Variants in FNBP1L observed in about 807,000 individuals in gnomAD.
FNBP1L encodes formin binding protein 1 like, also known as formin-binding protein 1-like.
In FNBP1L, 36 loss-of-function variants were observed where a neutral mutation model predicts 91.2. The ratio of observed to expected loss-of-function variants is 0.39; its 90% CI spans 0.30 to 0.52. FNBP1L has a LOEUF of 0.52. Among genes scored for constraint, FNBP1L ranks in the 20% least tolerant of loss-of-function variants. The pLI is 0.66. For synonymous variants in FNBP1L, 242 were observed against 237.0 expected (o/e 1.02, Z -0.19); for missense variants, 571 against 732.1 (o/e 0.78, Z 2.54).
At chr1:93,516,130 G>C (rs1236954417) in intron 2 of FNBP1L, among the ~76,000 whole-genome samples, 1 of 152,024 alleles carries the variant, frequency 6.6e-6, no homozygotes, top group African/African-American at 2.4e-5. Flanking sequence ...TAGCCTTTCA[G>C]TGTATCTGAT....
chr1:93,484,526 T>G (rs1669828211), intron 1 of FNBP1L, among the ~76,000 whole-genome samples: 1 of 152,176 alleles, frequency 6.6e-6, no homozygotes, highest in Non-Finnish European at 1.5e-5. Context: ...GTTCTGTTCT[T>G]GAATCCCCTG....
intron 1 of FNBP1L, among the ~76,000 whole-genome samples, chr1:93,466,977 C>T (rs576665866): frequency 5.9e-5 from 9 of 152,300 alleles, no homozygotes; most frequent in African/African-American, 2.2e-4. Flanking sequence ...CTGCCTCAGC[C>T]TCCAGAGTAG....
chr1:93,483,306 A>G (rs1669782627), intron 1 of FNBP1L, among the ~76,000 whole-genome samples: 1 of 152,092 alleles, frequency 6.6e-6, no homozygotes, highest in Admixed American at 6.5e-5. Context: ...AAAGGACAAA[A>G]TTTAATGTGC....
chr1:93,539,951 C>T (rs77070007), intron 10 of FNBP1L, among the ~76,000 whole-genome samples: 1 of 152,126 alleles, frequency 6.6e-6, no homozygotes, highest in East Asian at 1.9e-4. Flanking sequence ...AACACCTTCT[C>T]TTAAAACATG....
intron 16 of FNBP1L, chr1:93,551,873 A>G (rs1464939941): frequency 9.1e-6 from 9 of 985,288 alleles, no homozygotes; most frequent in Non-Finnish European, 9.6e-6. Flanking sequence ...CATCTTGAAA[A>G]TATCTTTTGG....
chr1:93,511,402 T>C (rs1670836582), intron 2 of FNBP1L, among the ~76,000 whole-genome samples: 1 of 152,096 alleles, frequency 6.6e-6, no homozygotes, highest in South Asian at 2.1e-4. Flanking sequence ...GACAAGCAAA[T>C]GCTGAGAGAT....
chr1:93,522,073 T>C lies in FNBP1L; in HGVS notation c.141-9T>C. The C allele has an allele frequency of 7.4e-6, 11 of 1,493,636 alleles. No individual in the cohort carries two copies. The highest frequency in any genetic ancestry group is 9.8e-6 in the Non-Finnish European group (11 of 1,120,380). The allele number at this position is 1,493,636 out of a possible 1,614,324, so 92.5% of individuals were successfully genotyped here. On this transcript the variant is annotated splice_polypyrimidine_tract_variant and intron_variant, in intron 2 of 16. Coordinates refer to ENST00000271234, the MANE Select transcript of FNBP1L (RefSeq NM_001164473.3). ...TTTTAATAAACTTTAAAAAATCTTC[T>C]TCCTATAGAAATCTGGTTAAGAAGT...
At chr1:93,527,691 C>T (rs1263156177) in intron 5 of FNBP1L, among the ~76,000 whole-genome samples, 1 of 151,966 alleles carries the variant, frequency 6.6e-6, no homozygotes, top group Non-Finnish European at 1.5e-5. Flanking sequence ...CCGTAAAGCC[C>T]GATCGGTGGA....
intron 1 of FNBP1L, among the ~76,000 whole-genome samples, chr1:93,451,254 T>A (rs2101679033): frequency 6.6e-6 from 1 of 152,338 alleles, no homozygotes; most frequent in African/African-American, 2.4e-5. Context: ...GCACAGATTT[T>A]GAAATTACTA....
chr1:93,501,591 C>T (rs1670440912), intron 2 of FNBP1L, among the ~76,000 whole-genome samples: 1 of 152,160 alleles, frequency 6.6e-6, no homozygotes, highest in Non-Finnish European at 1.5e-5. Flanking sequence ...ATGACCCAGA[C>T]ACCTCCCATT....
intron 2 of FNBP1L, 78 bp downstream of exon 2, chr1:93,499,661 C>A: frequency 1.2e-6 from 1 of 814,758 alleles, no homozygotes; most frequent in Non-Finnish European, 1.9e-6. Flanking sequence ...TGTGATAGTC[C>A]AGAGGTTAAA....
At chr1:93,458,808 A>T (rs1239456250) in intron 1 of FNBP1L, among the ~76,000 whole-genome samples, 1 of 152,206 alleles carries the variant, frequency 6.6e-6, no homozygotes, top group African/African-American at 2.4e-5. Flanking sequence ...TTTTATTACT[A>T]TTTATTGTTC....
intron 1 of FNBP1L, among the ~76,000 whole-genome samples, chr1:93,455,499 T>A (rs1668633016): frequency 6.6e-6 from 1 of 152,232 alleles, no homozygotes; most frequent in African/African-American, 2.4e-5. Context: ...CTATGCCACA[T>A]GCCATTTTAT....
chr1:93,459,357 T>C (rs1292035465), intron 1 of FNBP1L, among the ~76,000 whole-genome samples: 1 of 152,110 alleles, frequency 6.6e-6, no homozygotes, highest in African/African-American at 2.4e-5. Context: ...ACTCAAAATA[T>C]GTAAGGAACT....
Position 93,524,165 on chromosome 1 carries a change from G to A in FNBP1L, c.343-96G>A, listed in dbSNP as rs1031154618. 3.2e-6 allele frequency: 3 copies of A among 932,090 alleles called. No homozygotes were observed. In the African/African-American group the frequency reaches 5.2e-5, roughly 16 times the overall value. 57.7% of individuals were successfully genotyped at this position (932,090 alleles called of 1,614,324 possible). A position where few individuals can be genotyped will look rare whatever the true frequency, so the allele number is the denominator to read the frequency against. Reference sequence around the variant, plus strand: ...AAAAAATAAAGTGAAAAGCCTTTTGGGGACTTTAGACTTTAGTGTTTAAAT... The same window carrying A: ...AAAAAATAAAGTGAAAAGCCTTTTGAGGACTTTAGACTTTAGTGTTTAAAT... On this transcript the variant is annotated intron_variant, in intron 4 of 16. Coordinates refer to ENST00000271234, the MANE Select transcript of FNBP1L (RefSeq NM_001164473.3).
intron 2 of FNBP1L, among the ~76,000 whole-genome samples, chr1:93,509,377 C>G (rs1450853828): frequency 6.6e-6 from 1 of 152,186 alleles, no homozygotes; most frequent in East Asian, 1.9e-4. Context: ...TCAGCCTGTA[C>G]TTACACAGAG....
At chr1:93,448,345 C>T (rs558395297) in intron 1 of FNBP1L, 40 bp downstream of exon 1, 13 of 1,476,608 alleles carry the variant, frequency 8.8e-6, no homozygotes, top group Non-Finnish European at 1.2e-5. Flanking sequence ...GACCCCGGCC[C>T]CTGAGAAGCG....
Position 93,523,434 on chromosome 1 carries a change from C to T in FNBP1L, c.285C>T (p.His95=). The T allele has an allele frequency of 1.2e-6, 2 of 1,610,408 alleles. No homozygotes were observed. Among genetic ancestry groups the T allele is most frequent in the African/African-American group, 1.3e-5 (1 of 74,958 alleles). The part of the protein sequence containing the change: ...QREVVAEEMA[H]RVYGELMRYA... Reference sequence around the variant, plus strand: ...AAGTTGTAGCAGAAGAAATGGCGCACAGAGTGTATGGTGAATTAATGAGAT... The same window carrying T: ...AAGTTGTAGCAGAAGAAATGGCGCATAGAGTGTATGGTGAATTAATGAGAT... Residue 95 remains histidine, a synonymous_variant, in exon 4 of 17, where the codon CAC becomes CAT. Transcript: ENST00000271234.
intron 1 of FNBP1L, among the ~76,000 whole-genome samples, chr1:93,469,228 C>T (rs1669199065): frequency 6.6e-6 from 1 of 151,732 alleles, no homozygotes; most frequent in African/African-American, 2.4e-5. Flanking sequence ...AACATTATTC[C>T]TCCCCTAACC....
Sources: allele counts gnomAD v4.1 joint callset (sites outside exome capture counted in the v4.1 genomes callset), GRCh38; gene constraint gnomAD v4.1.1; transcripts MANE v1.5; gene names NCBI Gene and HGNC (gene_info 2026-07-23, HGNC 2026-07-21).